The following ESR1 variants were observed in gnomAD, a reference collection of about 807,000 sequenced individuals.
The protein encoded by ESR1 is estrogen receptor 1, also known as estrogen receptor.
Under a neutral mutation model 52.7 loss-of-function variants are expected in ESR1, and 12 were observed. The ratio of observed to expected loss-of-function variants is 0.23; its 90% confidence interval spans 0.15 to 0.37. The LOEUF (loss-of-function observed/expected upper bound fraction) is 0.37, where lower values mean the gene tolerates loss of function less well. Ranked by LOEUF, ESR1 falls within the 10% of genes least tolerant of loss-of-function variation. ESR1 has a pLI of 1.00. For synonymous variants in ESR1, 305 were observed against 316.8 expected, an observed-to-expected ratio of 0.96 and a Z score of 0.39; for missense variants, 584 against 779.7, an observed-to-expected ratio of 0.75 and a Z score of 2.99.
chr6:151,971,323 A>AT (rs769082510), intron 4 of ESR1, among the ~76,000 whole-genome samples: 111 of 151,824 alleles, frequency 7.3e-4, no homozygotes, highest in Non-Finnish European at 1.3e-3. Flanking sequence ...CTAGTTTGTA[A>AT]TTTTTTTATC....
chr6:152,101,692 GT>G lies in ESR1; in HGVS notation c.*2728del, dbSNP rs9341076. 1,305 of 230,970 alleles carry G rather than the reference GT, an allele frequency of 5.7e-3. 20 individuals carry two copies. Among genetic ancestry groups the G allele is most frequent in the African/African-American group, 0.027 (1,230 of 45,332 alleles). 14.3% of individuals were successfully genotyped at this position (230,970 alleles called of 1,614,324 possible). ...TCTGCTTTCCCCCACTCTGAGGCAAGTTAAAATGTAAAAGATGTGATTTATC... is the reference window on the plus strand; with the variant it reads ...TCTGCTTTCCCCCACTCTGAGGCAAGTAAAATGTAAAAGATGTGATTTATC... On this transcript the variant is annotated 3_prime_UTR_variant, in exon 8 of 8. Coordinates refer to ENST00000206249, the MANE Select transcript of ESR1 (RefSeq NM_000125.4).
In ESR1 at chr6:151,846,922, C is replaced by T. The variant is rs550306692; in HGVS notation, c.643+4135C>T. 2.0e-5 allele frequency among the ~76,000 whole-genome samples: 3 copies of T among 152,288 alleles called. No homozygotes were observed. The East Asian group carries it at 5.8e-4, about 29-fold the overall frequency. On this transcript the variant is annotated intron_variant, in intron 2 of 7. Transcript: ENST00000206249. ...AGCCAGATACTACCTTTGAGTATTA[C>T]TTCAAGGAAAAAGGACTCCACTGAG...
intron 2 of ESR1, among the ~76,000 whole-genome samples, chr6:151,717,449 C>T (rs923343598): frequency 6.6e-6 from 1 of 152,144 alleles, no homozygotes; most frequent in African/African-American, 2.4e-5. Flanking sequence ...ATATGTATGT[C>T]CTAATGATTT....
exon 7 of ESR1, chr6:152,126,133 G>A (rs1040794744): frequency 6.6e-6 from 1 of 152,160 alleles, no homozygotes; most frequent in African/African-American, 2.4e-5. Context: ...GCCAAGCTAG[G>A]AAGAAGTCAT....
At chr6:151,881,794 A>C (rs13204918) in intron 3 of ESR1, among the ~76,000 whole-genome samples, 5,358 of 151,970 alleles carry the variant, frequency 0.035, 129 homozygotes, top group South Asian at 0.057. Context: ...GAGGCAGGAG[A>C]ATCACTTGAA....
chr6:151,692,434 G>A (rs1779017790), intron 1 of ESR1, among the ~76,000 whole-genome samples: 1 of 152,164 alleles, frequency 6.6e-6, no homozygotes, highest in African/African-American at 2.4e-5. Context: ...GGGAACAGCT[G>A]TGCTCCAGGA....
At chr6:151,852,897 G>T (rs976959966) in intron 2 of ESR1, among the ~76,000 whole-genome samples, 3 of 151,828 alleles carry the variant, frequency 2.0e-5, no homozygotes, top group African/African-American at 7.3e-5. Flanking sequence ...AGTCATGGCC[G>T]GGTGCGGTGG....
intron 3 of ESR1, among the ~76,000 whole-genome samples, chr6:151,919,523 A>T (rs1353547909): frequency 6.6e-6 from 1 of 152,180 alleles, no homozygotes; most frequent in Non-Finnish European, 1.5e-5. Flanking sequence ...ACATACATCT[A>T]TCATCCAATA....
intron 4 of ESR1, among the ~76,000 whole-genome samples, chr6:151,988,778 T>C (rs1006294029): frequency 1.1e-4 from 17 of 152,144 alleles, no homozygotes; most frequent in Admixed American, 1.1e-3. Flanking sequence ...ATCGGAGTTA[T>C]ATTTGTATAT....
chr6:151,827,018 T>C (rs982200034), intron 1 of ESR1, among the ~76,000 whole-genome samples: 2 of 152,208 alleles, frequency 1.3e-5, no homozygotes, highest in Middle Eastern at 3.4e-3. Context: ...CCAGCATGGC[T>C]GGCACGGAGT....
At chr6:151,899,889 C>T (rs1456610301) in intron 3 of ESR1, among the ~76,000 whole-genome samples, 1 of 148,234 alleles carries the variant, frequency 6.7e-6, no homozygotes, top group African/African-American at 2.6e-5. Flanking sequence ...GGCGGCTGGG[C>T]AGAGACACTC....
At chr6:151,899,499 G>A (rs1173329225) in intron 3 of ESR1, among the ~76,000 whole-genome samples, 7 of 144,448 alleles carry the variant, frequency 4.8e-5, no homozygotes, top group African/African-American at 1.3e-4. Flanking sequence ...CCTCCCTCCC[G>A]GACGGGGCGG....
At chr6:151,869,631 C>T (rs1790591101) in intron 2 of ESR1, among the ~76,000 whole-genome samples, 1 of 152,092 alleles carries the variant, frequency 6.6e-6, no homozygotes, top group Admixed American at 6.5e-5. Context: ...TGTCACTGCC[C>T]TGGCCAAAAT....
intron 5 of ESR1, among the ~76,000 whole-genome samples, chr6:152,039,372 T>C (rs2179925): frequency 0.44 from 66,807 of 152,014 alleles, 16,631 homozygotes; most frequent in African/African-American, 0.67. Flanking sequence ...TATGGAGTAG[T>C]AGACTGAGTT....
At chr6:151,791,108 G>T (rs1311477420) in intron 2 of ESR1, among the ~76,000 whole-genome samples, 1 of 152,110 alleles carries the variant, frequency 6.6e-6, no homozygotes, top group South Asian at 2.1e-4. Context: ...TGCAGTTTTA[G>T]GGGTCTCCAC....
At chr6:151,930,817 G>A (rs1253551039) in intron 3 of ESR1, among the ~76,000 whole-genome samples, 1 of 151,778 alleles carries the variant, frequency 6.6e-6, no homozygotes, top group African/African-American at 2.4e-5. Context: ...TTCTAAATTG[G>A]TCACTTTTTT....
intron 1 of ESR1, among the ~76,000 whole-genome samples, chr6:151,670,567 C>G (rs1315387133): frequency 2.1e-5 from 3 of 145,856 alleles, no homozygotes; most frequent in Non-Finnish European, 4.5e-5. Context: ...GGAGGCAAGT[C>G]TAGGTGAAGA....
chr6:151,974,133 C>T (rs949077356), intron 4 of ESR1, among the ~76,000 whole-genome samples: 9 of 152,118 alleles, frequency 5.9e-5, no homozygotes, highest in African/African-American at 2.2e-4. Context: ...ACAAAATGTG[C>T]TATGCCTGTT....
At chr6:151,834,507 A>C (rs1253322157) in intron 1 of ESR1, among the ~76,000 whole-genome samples, 1 of 152,182 alleles carries the variant, frequency 6.6e-6, no homozygotes, top group Non-Finnish European at 1.5e-5. Flanking sequence ...ATGAGAACAC[A>C]TGGACACAGG....
Sources: allele counts gnomAD v4.1 joint callset (sites outside exome capture counted in the v4.1 genomes callset), GRCh38; gene constraint gnomAD v4.1.1; transcripts MANE v1.5; gene names NCBI Gene and HGNC (gene_info 2026-07-23, HGNC 2026-07-21).